Variants in DYNC1I1 observed in about 807,000 individuals in gnomAD.
DYNC1I1 encodes dynein cytoplasmic 1 intermediate chain 1.
DYNC1I1 carries 43 observed loss-of-function variants against 86.6 expected under a neutral mutation model. The observed-to-expected ratio is 0.50, with a 90% CI of 0.39 to 0.64. DYNC1I1 has a LOEUF of 0.64. DYNC1I1 is among the 30% of genes least tolerant of loss of function. The pLI, the probability that DYNC1I1 is intolerant of heterozygous loss-of-function variation, is 0.00. For synonymous variants in DYNC1I1, 262 were observed against 283.7 expected (o/e 0.92, Z 0.77); for missense variants, 604 against 788.8 (o/e 0.77, Z 2.81).
At chr7:95,965,915 G>C (rs1792999396) in intron 6 of DYNC1I1, among the ~76,000 whole-genome samples, 1 of 152,260 alleles carries the variant, frequency 6.6e-6, no homozygotes, top group Non-Finnish European at 1.5e-5. Context: ...TAGGTTCCAA[G>C]TTGCTATCAT....
intron 5 of DYNC1I1, among the ~76,000 whole-genome samples, chr7:95,829,965 T>C (rs1795285888): frequency 6.6e-6 from 1 of 152,134 alleles, no homozygotes; most frequent in African/African-American, 2.4e-5. Flanking sequence ...TGAAGGACTA[T>C]TTGCATTTTA....
intron 1 of DYNC1I1, among the ~76,000 whole-genome samples, chr7:95,801,917 C>T (rs1794586913): frequency 1.3e-5 from 2 of 152,136 alleles, no homozygotes; most frequent in Admixed American, 6.5e-5. Flanking sequence ...CCGTGTGGAC[C>T]CTCAGTCGGA....
intron 6 of DYNC1I1, among the ~76,000 whole-genome samples, chr7:95,917,075 G>A (rs997559175): frequency 1.3e-5 from 2 of 152,150 alleles, no homozygotes; most frequent in African/African-American, 4.8e-5. Flanking sequence ...GTTCTTATGT[G>A]AAAGTTGTAT....
chr7:95,963,516 A>G (rs1394441350), intron 6 of DYNC1I1, among the ~76,000 whole-genome samples: 1 of 152,190 alleles, frequency 6.6e-6, no homozygotes, highest in Non-Finnish European at 1.5e-5. Flanking sequence ...GAAATGACTG[A>G]GAACAGGCAA....
intron 6 of DYNC1I1, among the ~76,000 whole-genome samples, chr7:95,889,921 T>G (rs1455390601): frequency 6.6e-6 from 1 of 152,132 alleles, no homozygotes; most frequent in Non-Finnish European, 1.5e-5. Flanking sequence ...TCAGAATGTC[T>G]ATTATTAAAA....
chr7:95,875,746 G>A, intron 6 of DYNC1I1, among the ~76,000 whole-genome samples: 1 of 152,180 alleles, frequency 6.6e-6, no homozygotes, highest in Non-Finnish European at 1.5e-5. Context: ...CCTGGGCACT[G>A]GCACCCTGTG....
chr7:95,899,895 C>G (rs981256488), intron 6 of DYNC1I1, among the ~76,000 whole-genome samples: 3 of 152,180 alleles, frequency 2.0e-5, no homozygotes, highest in African/African-American at 4.8e-5. Context: ...GTATGTATCT[C>G]TTTTGCCTTC....
chr7:95,862,593 C>G (rs557309527), intron 5 of DYNC1I1, among the ~76,000 whole-genome samples: 2 of 152,318 alleles, frequency 1.3e-5, no homozygotes, highest in South Asian at 4.1e-4. Flanking sequence ...CGCTAATACA[C>G]TGCTAGTGGG....
In DYNC1I1 at chr7:95,866,573, A is replaced by G. The variant is rs139609379; in HGVS notation, c.375-3310A>G. 6.3e-3 allele frequency among the ~76,000 whole-genome samples: 960 copies of G among 152,278 alleles called. 21 individuals carry two copies. Among genetic ancestry groups the G allele is most frequent in the East Asian group, 0.028 (143 of 5,188 alleles). Reference sequence around the variant, plus strand: ...CTGTAAAATTGGAATATGAGATAAAATTTTAATGAGGATAAAATAAGATGA... The same window carrying G: ...CTGTAAAATTGGAATATGAGATAAAGTTTTAATGAGGATAAAATAAGATGA... On this transcript the variant is annotated intron_variant, in intron 5 of 16. Transcript: ENST00000447467.
chr7:96,006,014 A>G (rs1794133641), intron 10 of DYNC1I1, among the ~76,000 whole-genome samples: 1 of 152,204 alleles, frequency 6.6e-6, no homozygotes, highest in Admixed American at 6.5e-5. Context: ...ATGTGCGTGA[A>G]GAAAACAAGG....
chr7:95,947,493 T>C (rs753669392), intron 6 of DYNC1I1, among the ~76,000 whole-genome samples: 5 of 152,172 alleles, frequency 3.3e-5, no homozygotes, highest in Non-Finnish European at 7.4e-5. Flanking sequence ...ACCATTGGTC[T>C]ACCCAGAGCC....
At chr7:96,074,593 G>A (rs1219605896) in intron 14 of DYNC1I1, among the ~76,000 whole-genome samples, 1 of 151,182 alleles carries the variant, frequency 6.6e-6, no homozygotes, top group Non-Finnish European at 1.5e-5. Flanking sequence ...AGTTCTAAGC[G>A]GTGATTTTTA....
rs1177095300 is a variant in DYNC1I1 at position 96,097,474 on chromosome 7, G to A, written c.1777-9G>A. 3 of 1,613,470 alleles carry A rather than the reference G, an allele frequency of 1.9e-6. No individual in the cohort carries two copies. The East Asian group carries it at 6.7e-5, about 36-fold the overall frequency. On this transcript the variant is annotated splice_polypyrimidine_tract_variant and intron_variant, in intron 16 of 16. Coordinates refer to ENST00000447467, the MANE Select transcript of DYNC1I1 (RefSeq NM_001135556.2). ...TTGTTCATCATTTCTCCATTGATTTGCTTTGCAGCTTGCAGTTCCCCACAA... is the reference window on the plus strand; with the variant it reads ...TTGTTCATCATTTCTCCATTGATTTACTTTGCAGCTTGCAGTTCCCCACAA...
chr7:96,103,455 C>G (rs573672062), intron 16 of DYNC1I1, among the ~76,000 whole-genome samples: 2 of 152,316 alleles, frequency 1.3e-5, no homozygotes, highest in Admixed American at 1.3e-4. Flanking sequence ...TAACTGGTCT[C>G]CCTGTGTCCA....
At chr7:95,864,821 G>A (rs1031671887) in intron 5 of DYNC1I1, among the ~76,000 whole-genome samples, 1 of 151,926 alleles carries the variant, frequency 6.6e-6, no homozygotes, top group Non-Finnish European at 1.5e-5. Flanking sequence ...TGGCACTAAA[G>A]CCTCTAGAAT....
intron 5 of DYNC1I1, among the ~76,000 whole-genome samples, chr7:95,842,691 A>C (rs965407856): frequency 6.6e-6 from 1 of 152,160 alleles, no homozygotes; most frequent in Admixed American, 6.6e-5. Context: ...CCTGTGCTGA[A>C]GTGGGAATTT....
Position 95,964,525 on chromosome 7 carries a change from C to T in DYNC1I1, c.491-12987C>T, listed in dbSNP as rs1005576532. On this transcript the variant is annotated intron_variant, in intron 6 of 16. Transcript: ENST00000447467. Reference sequence around the variant, plus strand: ...ACATTCATTGCCATCTCCCATATGCCCAGCCCTTTCCTAGGCATATGGCAA... The same window carrying T: ...ACATTCATTGCCATCTCCCATATGCTCAGCCCTTTCCTAGGCATATGGCAA... Among the ~76,000 whole-genome samples, 8 of 152,136 alleles carry T rather than the reference C, an allele frequency of 5.3e-5. No individual in the cohort carries two copies. The South Asian group carries it at 6.2e-4, about 12-fold the overall frequency.
At chr7:96,080,944 C>T (rs1004338248) in intron 16 of DYNC1I1, among the ~76,000 whole-genome samples, 1 of 151,832 alleles carries the variant, frequency 6.6e-6, no homozygotes, top group African/African-American at 2.4e-5. Flanking sequence ...GTGGCAGGCA[C>T]CTGTAATCCC....
rs970127261 is a variant in DYNC1I1 at position 95,902,091 on chromosome 7, A to C, written c.490+32093A>C. Among the ~76,000 whole-genome samples the C allele has an allele frequency of 1.5e-4, 23 of 152,306 alleles. 2 individuals are homozygous for C. The East Asian group carries it at 4.2e-3, about 28-fold the overall frequency. On this transcript the variant is annotated intron_variant, in intron 6 of 16. Coordinates refer to ENST00000447467, the MANE Select transcript of DYNC1I1 (RefSeq NM_001135556.2). The stretch of plus-strand genomic sequence containing the variant: ...TTAGCTGCTGTCTGCAAATATTGGT[A>C]TTTAAGGGCGGCTCTAAAGTGACCA...
Sources: allele counts gnomAD v4.1 joint callset (sites outside exome capture counted in the v4.1 genomes callset), GRCh38; gene constraint gnomAD v4.1.1; transcripts MANE v1.5; gene names NCBI Gene and HGNC (gene_info 2026-07-23, HGNC 2026-07-21).